Variants in SCN1A observed in about 807,000 individuals in gnomAD.
SCN1A encodes sodium voltage-gated channel alpha subunit 1.
Under a neutral mutation model 193.7 loss-of-function variants are expected in SCN1A, and 13 were observed. That is an observed-to-expected ratio of 0.07 (90% CI 0.04 to 0.11). SCN1A has a LOEUF of 0.11. Ranked by LOEUF, SCN1A falls within the 10% of genes least tolerant of loss-of-function variation. The probability of loss-of-function intolerance (pLI) is 1.00; values close to 1 mark genes in which losing one functional copy is unlikely to be tolerated. For synonymous variants in SCN1A, 781 were observed against 843.6 expected (o/e 0.93, Z 1.29); for missense variants, 1,432 against 2,451.1 (o/e 0.58, Z 8.78).
At chr2:166,148,441 A>G (rs1692409066) in intron 1 of SCN1A, among the ~76,000 whole-genome samples, 2 of 152,186 alleles carry the variant, frequency 1.3e-5, no homozygotes, top group South Asian at 4.1e-4. Flanking sequence ...CAAACCTGGA[A>G]TCATCCCTTC....
intron 4 of SCN1A, 148 bp from the exon 5 acceptor site, chr2:166,058,836 A>G: frequency 1.6e-6 from 1 of 610,550 alleles, no homozygotes; most frequent in Non-Finnish European, 3.0e-6. Flanking sequence ...CCATGAAAAC[A>G]AACTGTCACT....
At chr2:166,006,211 T>C (rs182003139) in intron 23 of SCN1A, among the ~76,000 whole-genome samples, 19 of 151,514 alleles carry the variant, frequency 1.3e-4, no homozygotes, top group African/African-American at 4.6e-4. Flanking sequence ...TCATCCATTT[T>C]TAAGTATAAA....
At chr2:166,106,820 C>A (rs762869894) in intron 2 of SCN1A, among the ~76,000 whole-genome samples, 1 of 152,066 alleles carries the variant, frequency 6.6e-6, no homozygotes, top group East Asian at 1.9e-4. Flanking sequence ...GGAAGAGAAG[C>A]CCCTTCCTCC....
At chr2:166,103,602 C>A (rs374114588) in intron 2 of SCN1A, among the ~76,000 whole-genome samples, 1 of 151,960 alleles carries the variant, frequency 6.6e-6, no homozygotes, top group Non-Finnish European at 1.5e-5. Context: ...TTAAGAGAAG[C>A]TTCCTAAGTA....
intron 1 of SCN1A, among the ~76,000 whole-genome samples, chr2:166,145,186 G>A (rs1692268943): frequency 9.5e-6 from 1 of 105,232 alleles, no homozygotes; most frequent in Admixed American, 1.3e-4. Flanking sequence ...GGGGGACAGA[G>A]TCTCGCTCTG....
rs555306154 is a variant in SCN1A, at chr2:166,127,024, C to T, written c.-228-14G>A. 1.7e-4 allele frequency: 26 copies of T among 152,302 alleles called. No individual in the cohort carries two copies. In the East Asian group the frequency reaches 3.7e-3, roughly 22 times the overall value. The allele number at this position is 152,302 out of a possible 1,614,324, so 9.4% of individuals were successfully genotyped here. ...TCTTATGCTGTTCTGAAAAGCAAGA[C>T]GGTTCACACTAGGAACTGAGCAGTA... On this transcript the variant is annotated splice_polypyrimidine_tract_variant and intron_variant, in intron 1 of 28. Transcript: ENST00000674923.
intron 4 of SCN1A, among the ~76,000 whole-genome samples, chr2:166,067,003 T>C (rs907766342): frequency 5.9e-5 from 9 of 152,192 alleles, no homozygotes; most frequent in Admixed American, 5.9e-4. Context: ...TCTTATTCTA[T>C]GCTGTTCTCT....
At chr2:166,048,606 A>G in intron 10 of SCN1A, among the ~76,000 whole-genome samples, 1 of 152,056 alleles carries the variant, frequency 6.6e-6, no homozygotes, top group Non-Finnish European at 1.5e-5. Flanking sequence ...CCTATCATTG[A>G]TGGACATTTA....
intron 21 of SCN1A, among the ~76,000 whole-genome samples, chr2:166,013,351 T>C (rs1350119971): frequency 6.6e-6 from 1 of 151,426 alleles, no homozygotes; most frequent in Non-Finnish European, 1.5e-5. Context: ...CATCAAGAGA[T>C]AATAATAATA....
chr2:165,995,651 C>T (rs2105458751), intron 27 of SCN1A, among the ~76,000 whole-genome samples: 1 of 151,822 alleles, frequency 6.6e-6, no homozygotes, highest in African/African-American at 2.4e-5. Flanking sequence ...CAGCCCCATC[C>T]CAAGGTTTAC....
chr2:166,014,573 C>T (rs1263299191), intron 20 of SCN1A, among the ~76,000 whole-genome samples: 2 of 132,170 alleles, frequency 1.5e-5, no homozygotes, highest in Admixed American at 1.6e-4. Flanking sequence ...AAGAACCTTA[C>T]CAAAAAAAAT....
chr2:165,997,821 T>C (rs899344094), intron 26 of SCN1A, among the ~76,000 whole-genome samples: 1 of 151,264 alleles, frequency 6.6e-6, no homozygotes, highest in Admixed American at 6.6e-5. Flanking sequence ...GAGGAAAAAC[T>C]TTATGAACCT....
chr2:166,134,530 A>G (rs980585245), intron 1 of SCN1A, among the ~76,000 whole-genome samples: 3 of 152,198 alleles, frequency 2.0e-5, no homozygotes, highest in African/African-American at 4.8e-5. Context: ...CTGTCCTTCA[A>G]TCTAGCTCCA....
rs267598969 is a variant in SCN1A, at chr2:166,037,953, G to A, written c.2769C>T (p.Ile923=). 5.0e-6 allele frequency: 8 copies of A among 1,614,156 alleles called. No homozygotes were observed. Among genetic ancestry groups the A allele is most frequent in the East Asian group, 2.2e-5 (1 of 44,860 alleles). The change falls in exon 18 of 29, where the codon ATC becomes ATT. Residue 923 remains isoleucine, a synonymous_variant. Coordinates refer to ENST00000674923, the MANE Select transcript of SCN1A (RefSeq NM_001165963.4). ...AGCGTGGGAGTTGACAATCACTGGC[G>A]ATCTTGCAGACACAATCTTTGTAGC... ...GKSYKDCVCK[I]ASDCQLPRWH...
chr2:166,091,525 A>G (rs901165209), intron 2 of SCN1A, among the ~76,000 whole-genome samples: 15 of 152,188 alleles, frequency 9.9e-5, no homozygotes, highest in Admixed American at 9.2e-4. Flanking sequence ...GGATATAAAA[A>G]CATCAGGGGT....
At chr2:166,097,155 G>T (rs888374540) in intron 2 of SCN1A, among the ~76,000 whole-genome samples, 5 of 152,060 alleles carry the variant, frequency 3.3e-5, no homozygotes, top group African/African-American at 1.2e-4. Flanking sequence ...CCAAGTAGCT[G>T]GGACTACAGG....
At chr2:166,015,558 A>G in intron 20 of SCN1A, 49 bp downstream of exon 20, 1 of 1,609,360 alleles carries the variant, frequency 6.2e-7, no homozygotes, top group Non-Finnish European at 8.5e-7. Context: ...CAACAGCTAA[A>G]CAAGCTGCAC....
At chr2:166,052,455 C>G (rs1698672900) in intron 8 of SCN1A, among the ~76,000 whole-genome samples, 1 of 151,950 alleles carries the variant, frequency 6.6e-6, no homozygotes, top group Non-Finnish European at 1.5e-5. Flanking sequence ...CATGCAGACT[C>G]ACACTATTCT....
chr2:166,084,975 G>C (rs145423079), intron 2 of SCN1A, among the ~76,000 whole-genome samples: 1 of 152,270 alleles, frequency 6.6e-6, no homozygotes, highest in East Asian at 1.9e-4. Context: ...TAGGTGGAGA[G>C]TGCTAAGTGA....
Sources: allele counts gnomAD v4.1 joint callset (sites outside exome capture counted in the v4.1 genomes callset), GRCh38; gene constraint gnomAD v4.1.1; transcripts MANE v1.5; gene names NCBI Gene and HGNC (gene_info 2026-07-23, HGNC 2026-07-21).